Variants in BAZ2B observed in about 807,000 individuals in gnomAD.
BAZ2B encodes the protein bromodomain adjacent to zinc finger domain protein 2B.
Under a neutral mutation model 246.0 loss-of-function variants are expected in BAZ2B, and 91 were observed. The ratio of observed to expected loss-of-function variants is 0.37; its 90% confidence interval spans 0.31 to 0.44. The LOEUF (loss-of-function observed/expected upper bound fraction) is 0.44. Ranked by LOEUF, BAZ2B falls within the 20% of genes least tolerant of loss-of-function variation. The probability of loss-of-function intolerance (pLI) is 1.00; values close to 1 mark genes in which losing one functional copy is unlikely to be tolerated. For missense variants in BAZ2B, 2,332 were observed against 2,533.7 expected (o/e 0.92, Z 1.71); for synonymous variants, 855 against 860.0 (o/e 0.99, Z 0.10).
At chr2:159,657,561 A>G in the BAZ2B span, among the ~76,000 whole-genome samples, 1 of 152,324 alleles carries the variant, frequency 6.6e-6, no homozygotes, top group Admixed American at 6.5e-5. Context: ...AAGTGCTGAC[A>G]TCTTGACATA....
chr2:159,623,920 A>G, the BAZ2B span, among the ~76,000 whole-genome samples: 1 of 152,260 alleles, frequency 6.6e-6, no homozygotes, highest in African/African-American at 2.4e-5. Context: ...CATGAGGCAG[A>G]GCCCAGCAAG....
chr2:159,480,136 CA>C lies in BAZ2B; in HGVS notation c.-2-1416del, dbSNP rs1214093710. Among the ~76,000 whole-genome samples the C allele has an allele frequency of 7.2e-5, 11 of 152,102 alleles. No individual in the cohort carries two copies. In the East Asian group the frequency reaches 1.5e-3, roughly 21 times the overall value. On this transcript the variant is annotated intron_variant, in intron 2 of 36. Transcript: ENST00000392783. The stretch of plus-strand genomic sequence containing the variant: ...TACCAAGTCTAATTTTCACTAAATA[CA>C]AAAAATATGGACTCTTTACCTAGAA...
intron 1 of BAZ2B, among the ~76,000 whole-genome samples, chr2:159,574,569 T>A (rs1309540117): frequency 2.6e-5 from 4 of 152,198 alleles, no homozygotes; most frequent in Non-Finnish European, 4.4e-5. Flanking sequence ...AACCTACACG[T>A]ATGTAGGTTT....
chr2:159,385,190 C>G lies in BAZ2B; in HGVS notation c.3651G>C (p.Leu1217=). ...TCTTGCTGCATGCCAGTTCATTGATCAGGAAAGCCAGGACTGAAGCTTTCT... is the reference window on the plus strand; with the variant it reads ...TCTTGCTGCATGCCAGTTCATTGATGAGGAAAGCCAGGACTGAAGCTTTCT... ...PAQKASVLAF[L]INELACSKSV... is the part of the protein sequence containing the mutation. Residue 1217 remains leucine, a synonymous_variant, in exon 23 of 37, where the codon CTG becomes CTC. Transcript: ENST00000392783. 6.2e-7 allele frequency: 1 copy of G among 1,613,494 alleles called. No individual in the cohort carries two copies. The highest frequency in any genetic ancestry group is 1.1e-5 in the South Asian group (1 of 91,052).
chr2:159,701,717 A>G, the BAZ2B span, among the ~76,000 whole-genome samples: 3 of 147,874 alleles, frequency 2.0e-5, no homozygotes, highest in Non-Finnish European at 3.0e-5. Context: ...AATATATTTT[A>G]TAATATATTA....
Position 159,453,465 on chromosome 2 carries a change from A to G in BAZ2B, c.334+148T>C, listed in dbSNP as rs562541533. 1.0e-4 allele frequency: 92 copies of G among 892,248 alleles called. No homozygotes were observed. In the African/African-American group the frequency reaches 1.4e-3, roughly 14 times the overall value. 55.3% of individuals were successfully genotyped at this position (892,248 alleles called of 1,614,324 possible). A position where few individuals can be genotyped will look rare whatever the true frequency, so the allele number is the denominator to read the frequency against. ...ACTTAGGGTGTTTAATTTTTTGCACATGATAAATAGGATTAAGCCAATTCT... is the reference window on the plus strand; with the variant it reads ...ACTTAGGGTGTTTAATTTTTTGCACGTGATAAATAGGATTAAGCCAATTCT... On this transcript the variant is annotated intron_variant, in intron 4 of 36. Coordinates refer to ENST00000392783, the MANE Select transcript of BAZ2B (RefSeq NM_013450.4).
In BAZ2B at chr2:159,469,247, G is replaced by A. The variant is rs1348627203; in HGVS notation, c.145+9328C>T. 5.3e-5 allele frequency among the ~76,000 whole-genome samples: 8 copies of A among 151,988 alleles called. 1 individual carries two copies. The Middle Eastern group carries it at 0.024, about 452-fold the overall frequency. On this transcript the variant is annotated intron_variant, in intron 3 of 36. Coordinates refer to ENST00000392783, the MANE Select transcript of BAZ2B (RefSeq NM_013450.4). ...GACATAAGTTATGTATATCAACGAT[G>A]AAAGAAAAAATCTCTCTACCAATCA...
chr2:159,424,676 T>A (rs2069445501), intron 13 of BAZ2B, among the ~76,000 whole-genome samples: 2 of 152,220 alleles, frequency 1.3e-5, no homozygotes, highest in Non-Finnish European at 2.9e-5. Context: ...TGTCCCTTAG[T>A]ATCCAGGACC....
intron 1 of BAZ2B, among the ~76,000 whole-genome samples, chr2:159,582,115 T>TTATATATATTCACATGG (rs1175818487): frequency 1.3e-5 from 2 of 152,200 alleles, no homozygotes; most frequent in Non-Finnish European, 2.9e-5. Flanking sequence ...GAAAACGTAT[T>TTATATATATTCACATGG]TATATATATT....
the BAZ2B span, among the ~76,000 whole-genome samples, chr2:159,687,856 G>A: frequency 6.6e-6 from 1 of 152,134 alleles, no homozygotes; most frequent in Non-Finnish European, 1.5e-5. Context: ...GGGGTCTGAT[G>A]CTAACTCTAG....
rs1559398923 is a variant in BAZ2B at position 159,433,131 on chromosome 2, A to C, written c.1526T>G (p.Leu509Arg). The C allele has an allele frequency of 6.2e-7, 1 of 1,614,202 alleles. No homozygotes were observed. Among genetic ancestry groups the C allele is most frequent in the Non-Finnish European group, 8.5e-7 (1 of 1,180,020 alleles). Residue 509 changes from leucine to arginine, a missense_variant, in exon 9 of 37, where the codon CTT becomes CGT. Leu to Arg is a moderately radical substitution (Grantham distance 102). This residue lies in a region of BAZ2B where 651 missense variants were observed against 650.9 expected (regional missense o/e 1.00). Coordinates refer to ENST00000392783, the MANE Select transcript of BAZ2B (RefSeq NM_013450.4). ...GCTCTGCATTTTAGTTTTGGTAGTAAGTGCTAGAGGAGCTTCTTGAATGAC... is the reference window on the plus strand; with the variant it reads ...GCTCTGCATTTTAGTTTTGGTAGTACGTGCTAGAGGAGCTTCTTGAATGAC... ...QSVIQEAPLA[L>R]TTKTKMQSKI...
At position 159,478,653 on chromosome 2, in the gene BAZ2B, G is replaced by A. The variant is rs1164541954; in HGVS notation, c.67C>T (p.Pro23Ser). The change falls in exon 3 of 37, where the codon CCT becomes TCT. Residue 23 changes from proline to serine, a missense_variant. Pro to Ser is a moderately conservative substitution (Grantham distance 74). This residue lies in a region of BAZ2B where 242 missense variants were observed against 237.4 expected (regional missense o/e 1.02). Transcript: ENST00000392783. ...TTTGAAACTACTGAAGCCACAGAAG[G>A]TGTCGAAGATGAAGTTGGTGTAGTA... ...SSTTPTSSST[P>S]SVASVVSKGG... 1 of 1,611,222 alleles carries A rather than the reference G, an allele frequency of 6.2e-7. No homozygotes were observed. Among genetic ancestry groups the A allele is most frequent in the East Asian group, 2.2e-5 (1 of 44,574 alleles).
the BAZ2B span, among the ~76,000 whole-genome samples, chr2:159,632,971 A>C: frequency 6.6e-6 from 1 of 152,238 alleles, no homozygotes; most frequent in Non-Finnish European, 1.5e-5. Context: ...GACTACAGAC[A>C]CAAGGGTTGG....
chr2:159,429,287 T>C (rs750225279), intron 10 of BAZ2B, 27 bp from the exon 11 acceptor site: 4 of 1,372,032 alleles, frequency 2.9e-6, no homozygotes, highest in East Asian at 4.8e-5. Context: ...TTGGTTAATA[T>C]AAAACATTCA....
At chr2:159,674,937 A>T in the BAZ2B span, among the ~76,000 whole-genome samples, 1 of 152,218 alleles carries the variant, frequency 6.6e-6, no homozygotes, top group Non-Finnish European at 1.5e-5. Context: ...ATTGTTTGTA[A>T]TAACATTGGA....
the BAZ2B span, among the ~76,000 whole-genome samples, chr2:159,662,603 C>A: frequency 6.6e-6 from 1 of 152,166 alleles, no homozygotes; most frequent in Non-Finnish European, 1.5e-5. Context: ...CTGCTCACTG[C>A]AATCTCTGCT....
chr2:159,491,216 T>C (rs1343203036), intron 2 of BAZ2B, among the ~76,000 whole-genome samples: 1 of 152,152 alleles, frequency 6.6e-6, no homozygotes, highest in Admixed American at 6.5e-5. Context: ...TTGATATCAA[T>C]AACAAGGCTT....
rs1256716932 is a variant in BAZ2B, at chr2:159,448,337, A to T, written c.407T>A (p.Ile136Asn). 1 of 1,613,546 alleles carries T rather than the reference A, an allele frequency of 6.2e-7. No homozygotes were observed. Among genetic ancestry groups the T allele is most frequent in the South Asian group, 1.1e-5 (1 of 90,952 alleles). Residue 136 changes from isoleucine to asparagine, a missense_variant, in exon 5 of 37, where the codon ATT (isoleucine) becomes AAT (asparagine). This residue lies in a region of BAZ2B where 242 missense variants were observed against 237.4 expected (regional missense o/e 1.02). Coordinates refer to ENST00000392783, the MANE Select transcript of BAZ2B (RefSeq NM_013450.4). ...GATFFPPLLG[I>N]PPLFAPPAQN... ...GGCTGGGGGAGCAAATAGTGGTGGA[A>T]TTCCCAGTAATGGTGGAAAGAAGGT...
Position 159,404,866 on chromosome 2 carries a change from T to G in BAZ2B, c.2815A>C (p.Lys939Gln). The G allele has an allele frequency of 1.2e-6, 2 of 1,613,072 alleles. No individual in the cohort carries two copies. The highest frequency in any genetic ancestry group is 1.7e-6 in the Non-Finnish European group (2 of 1,179,834). The change falls in exon 16 of 37, where the codon AAG (lysine) becomes CAG (glutamine). Residue 939 changes from lysine (K) to glutamine (Q), a missense_variant. By Grantham distance (53) the Lys-to-Gln change is moderately conservative. Around this residue, in one of 9 missense-constraint regions of BAZ2B, gnomAD observed 651 missense variants for 650.9 expected, o/e 1.00. Transcript: ENST00000392783. ...ACACATACCTGCTGTTTCATAATCT[T>G]TATCTGTTCTTTTTGCTTCCGCTTC... ...EEKRKQKEQI[K>Q]IMKQQEKIKR... is the part of the protein sequence containing the mutation.
Sources: gnomAD v4.1 joint callset for allele counts (sites outside exome capture counted in the v4.1 genomes callset) on GRCh38, gnomAD v4.1.1 for gene constraint, gnomAD v4.1.1 regional missense constraint, MANE v1.5 for transcripts, NCBI Gene and HGNC (gene_info 2026-07-23, HGNC 2026-07-21) for gene names.